Variants in LINGO2 observed in about 807,000 individuals in gnomAD.
The protein encoded by LINGO2 is leucine-rich repeat and immunoglobulin-like domain-containing nogo receptor-interacting protein 2.
Under a neutral mutation model 30.6 loss-of-function variants are expected in LINGO2, and 14 were observed. The ratio of observed to expected loss-of-function variants is 0.46; its 90% CI spans 0.30 to 0.72. The LOEUF (loss-of-function observed/expected upper bound fraction) is 0.72, where lower values mean the gene tolerates loss of function less well. Among genes scored for constraint, LINGO2 ranks in the 30% least tolerant of loss-of-function variants. The probability of loss-of-function intolerance (pLI) is 0.07; values close to 1 mark genes in which losing one functional copy is unlikely to be tolerated. For synonymous variants in LINGO2, 317 were observed against 288.5 expected (o/e 1.10, Z -1.00); for missense variants, 729 against 751.7 (o/e 0.97, Z 0.35).
chr9:28,564,397 T>C (rs1417209297), intron 1 of LINGO2, among the ~76,000 whole-genome samples: 1 of 152,044 alleles, frequency 6.6e-6, no homozygotes, highest in Non-Finnish European at 1.5e-5. Context: ...TTAAAATAAA[T>C]AATCCAGTTT....
the LINGO2 span, among the ~76,000 whole-genome samples, chr9:28,837,140 C>T: frequency 5.3e-5 from 8 of 152,106 alleles, no homozygotes; most frequent in Non-Finnish European, 8.8e-5. Flanking sequence ...TCTGTTTGTT[C>T]AAGCCAAGAG....
intron 4 of LINGO2, among the ~76,000 whole-genome samples, chr9:28,121,659 C>G (rs1424289394): frequency 6.6e-6 from 1 of 152,046 alleles, no homozygotes; most frequent in Non-Finnish European, 1.5e-5. Context: ...AAAATGTGTC[C>G]CTTACAAGAA....
At chr9:28,561,228 A>C (rs908559994) in intron 1 of LINGO2, among the ~76,000 whole-genome samples, 1 of 151,952 alleles carries the variant, frequency 6.6e-6, no homozygotes, top group Non-Finnish European at 1.5e-5. Context: ...AGAATGCCCA[A>C]CCACCCTATA....
At chr9:29,002,998 T>C in the LINGO2 span, among the ~76,000 whole-genome samples, 1 of 151,930 alleles carries the variant, frequency 6.6e-6, no homozygotes, top group Non-Finnish European at 1.5e-5. Context: ...ACTGGTGTCC[T>C]TACAAGAAGA....
the LINGO2 span, among the ~76,000 whole-genome samples, chr9:28,908,385 T>A: frequency 6.6e-6 from 1 of 151,838 alleles, no homozygotes; most frequent in African/African-American, 2.4e-5. Flanking sequence ...TCAAATTTTA[T>A]AAGACTGATT....
intron 4 of LINGO2, among the ~76,000 whole-genome samples, chr9:28,217,612 T>C (rs1820814084): frequency 6.6e-6 from 1 of 152,034 alleles, no homozygotes; most frequent in African/African-American, 2.4e-5. Context: ...TTTTTCTTCT[T>C]CTAATGTCCT....
the LINGO2 span, among the ~76,000 whole-genome samples, chr9:29,213,249 CT>C: frequency 1.3e-5 from 2 of 152,218 alleles, no homozygotes; most frequent in African/African-American, 4.8e-5. Flanking sequence ...GCAGGATATT[CT>C]CAGTTGCGGC....
intron 5 of LINGO2, among the ~76,000 whole-genome samples, chr9:27,984,969 G>A (rs1821054809): frequency 6.6e-6 from 1 of 151,876 alleles, no homozygotes. Context: ...GTAAACAATA[G>A]AGTTTTAGGG....
At chr9:28,328,635 A>C in intron 3 of LINGO2, among the ~76,000 whole-genome samples, 1 of 152,150 alleles carries the variant, frequency 6.6e-6, no homozygotes, top group East Asian at 1.9e-4. Context: ...AAAACAAATC[A>C]TTAAGAACCT....
the LINGO2 span, among the ~76,000 whole-genome samples, chr9:29,099,593 C>G: frequency 1.3e-5 from 2 of 151,980 alleles, no homozygotes; most frequent in Admixed American, 1.3e-4. Flanking sequence ...AGATGTATCT[C>G]GAAAGAAGAC....
chr9:28,797,359 T>TATATATATATATATATATATAG, the LINGO2 span, among the ~76,000 whole-genome samples: 1 of 34,206 alleles, frequency 2.9e-5, no homozygotes, highest in Admixed American at 5.0e-4. Flanking sequence ...TATATATATA[T>TATATATATATATATATATATAG]AGAGAGAGAG....
At chr9:28,043,743 C>T (rs2133004047) in intron 4 of LINGO2, among the ~76,000 whole-genome samples, 1 of 152,286 alleles carries the variant, frequency 6.6e-6, no homozygotes, top group African/African-American at 2.4e-5. Context: ...TCCTCCACCT[C>T]ACATTACATG....
At chr9:29,202,441 T>C in the LINGO2 span, among the ~76,000 whole-genome samples, 390 of 152,132 alleles carry the variant, frequency 2.6e-3, 3 homozygotes, top group Middle Eastern at 6.8e-3. Flanking sequence ...GCTTCCAACA[T>C]CTAAAAATTG....
chr9:28,428,417 A>G (rs1823503728), intron 2 of LINGO2, among the ~76,000 whole-genome samples: 1 of 152,158 alleles, frequency 6.6e-6, no homozygotes, highest in South Asian at 2.1e-4. Flanking sequence ...CAGAGGAAGG[A>G]AAGTATGAGA....
At chr9:28,375,724 A>C (rs996867288) in intron 2 of LINGO2, among the ~76,000 whole-genome samples, 12 of 152,320 alleles carry the variant, frequency 7.9e-5, no homozygotes, top group African/African-American at 2.9e-4. Context: ...GGGAAAATAT[A>C]GAAGTGGTTG....
At chr9:28,757,631 G>C in the LINGO2 span, among the ~76,000 whole-genome samples, 1 of 151,954 alleles carries the variant, frequency 6.6e-6, no homozygotes, top group South Asian at 2.1e-4. Flanking sequence ...ACGAACAACT[G>C]ATCTCCAATT....
chr9:29,140,451 G>A, the LINGO2 span, among the ~76,000 whole-genome samples: 1 of 151,600 alleles, frequency 6.6e-6, no homozygotes, highest in Non-Finnish European at 1.5e-5. Context: ...GAAGAAAGAA[G>A]CAGTGAACTC....
chr9:28,335,569 A>G (rs1305379915), intron 3 of LINGO2, among the ~76,000 whole-genome samples: 1 of 152,202 alleles, frequency 6.6e-6, no homozygotes, highest in Non-Finnish European at 1.5e-5. Context: ...TTTCCTTAAC[A>G]AGAATCTTAC....
the LINGO2 span, among the ~76,000 whole-genome samples, chr9:28,900,008 C>T: frequency 0.73 from 110,865 of 152,104 alleles, 40,670 homozygotes; most frequent in Non-Finnish European, 0.78. Context: ...CCCGCAGCTC[C>T]AGGACTCAGG....
Sources: gnomAD v4.1 joint callset for allele counts (sites outside exome capture counted in the v4.1 genomes callset) on GRCh38, gnomAD v4.1.1 for gene constraint, MANE v1.5 for transcripts, NCBI Gene and HGNC (gene_info 2026-07-23, HGNC 2026-07-21) for gene names.